Variants in FAM13C observed in about 807,000 individuals in gnomAD.
The protein encoded by FAM13C is family with sequence similarity 13 member C.
A neutral mutation model predicts 73.2 loss-of-function variants in FAM13C; 37 were observed. That is an observed-to-expected ratio of 0.51 (90% CI 0.39 to 0.67). The LOEUF (loss-of-function observed/expected upper bound fraction) is 0.67, where lower values mean the gene tolerates loss of function less well. FAM13C is among the 30% of genes least tolerant of loss of function. FAM13C has a pLI of 0.00. For synonymous variants in FAM13C, 246 were observed against 260.9 expected, an observed-to-expected ratio of 0.94 and a Z score of 0.55; for missense variants, 589 against 715.6, an observed-to-expected ratio of 0.82 and a Z score of 2.02.
rs1266398296 is a variant in FAM13C, at chr10:59,268,216, G to T, written c.942+337C>A. On this transcript the variant is annotated intron_variant, in intron 8 of 13. Transcript: ENST00000618804. The stretch of plus-strand genomic sequence containing the variant: ...CAATTGAGAAAAAGTGAAAAAAAAA[G>T]AAAAAAGAAAAAGAAGAAGAAGAAG... 3.6e-5 allele frequency among the ~76,000 whole-genome samples: 5 copies of T among 137,260 alleles called. No individual in the cohort carries two copies. In the East Asian group the frequency reaches 1.0e-3, roughly 28 times the overall value. The allele number at this position is 137,260 out of a possible 152,430, so 90.0% of individuals were successfully genotyped here.
intron 3 of FAM13C, among the ~76,000 whole-genome samples, chr10:59,327,931 C>A (rs1383612000): frequency 6.6e-6 from 1 of 152,126 alleles, no homozygotes; most frequent in Non-Finnish European, 1.5e-5. Flanking sequence ...CCAAACTGAC[C>A]AAGGGGACTG....
chr10:59,311,771 C>A lies in FAM13C; in HGVS notation c.444-8907G>T, dbSNP rs1848951957. 3.9e-5 allele frequency among the ~76,000 whole-genome samples: 6 copies of A among 152,242 alleles called. No homozygotes were observed. In the South Asian group the frequency reaches 1.2e-3, roughly 32 times the overall value. ...GTGTGAATAAATGCTGCAGCCCTTT[C>A]CTCAACTTTCAGAGGGATAAGTCTG... On this transcript the variant is annotated intron_variant, in intron 4 of 13. Transcript: ENST00000618804.
At chr10:59,345,261 A>G (rs956710304) in intron 3 of FAM13C, among the ~76,000 whole-genome samples, 1 of 152,190 alleles carries the variant, frequency 6.6e-6, no homozygotes, top group African/African-American at 2.4e-5. Flanking sequence ...TGTAACTTCC[A>G]TCACAGATGG....
intron 13 of FAM13C, among the ~76,000 whole-genome samples, chr10:59,249,454 G>A (rs1841147747): frequency 7.0e-6 from 1 of 142,236 alleles, no homozygotes; most frequent in African/African-American, 2.6e-5. Context: ...AGAATGAAAA[G>A]TTTTGCCAAG....
At chr10:59,339,788 T>C (rs1161178557) in intron 3 of FAM13C, among the ~76,000 whole-genome samples, 1 of 152,164 alleles carries the variant, frequency 6.6e-6, no homozygotes, top group African/African-American at 2.4e-5. Context: ...GCCAGCTCAG[T>C]GTGCATAGGG....
chr10:59,351,813 G>C (rs555369474), intron 3 of FAM13C, among the ~76,000 whole-genome samples: 12 of 151,958 alleles, frequency 7.9e-5, no homozygotes, highest in South Asian at 4.2e-4. Flanking sequence ...GGCCAACATG[G>C]CGAAACCCTG....
intron 13 of FAM13C, among the ~76,000 whole-genome samples, chr10:59,250,378 C>G (rs1012109587): frequency 6.6e-6 from 1 of 152,196 alleles, no homozygotes. Flanking sequence ...ACATTTCTCA[C>G]TAGATTACTT....
chr10:59,342,260 C>T (rs939096941), intron 3 of FAM13C, among the ~76,000 whole-genome samples: 1 of 152,068 alleles, frequency 6.6e-6, no homozygotes, highest in Admixed American at 6.5e-5. Flanking sequence ...ATGTTTCATG[C>T]TGTTTGAACA....
chr10:59,337,340 G>A (rs2134146934), intron 3 of FAM13C, among the ~76,000 whole-genome samples: 1 of 152,332 alleles, frequency 6.6e-6, no homozygotes, highest in East Asian at 1.9e-4. Context: ...GGAATGTTTA[G>A]GCATTAGTTG....
chr10:59,302,096 A>T (rs112999924), intron 5 of FAM13C, among the ~76,000 whole-genome samples: 1 of 152,188 alleles, frequency 6.6e-6, no homozygotes, highest in Admixed American at 6.5e-5. Context: ...CTATGACCTT[A>T]ATCAGACGTA....
chr10:59,311,023 T>C (rs1848854245), intron 4 of FAM13C, among the ~76,000 whole-genome samples: 1 of 151,810 alleles, frequency 6.6e-6, no homozygotes. Flanking sequence ...AGTATAGGAG[T>C]GACATGGTGT....
At chr10:59,313,573 G>C (rs139274533) in intron 4 of FAM13C, among the ~76,000 whole-genome samples, 3 of 152,126 alleles carry the variant, frequency 2.0e-5, no homozygotes, top group Admixed American at 6.5e-5. Flanking sequence ...GAGCAAGCGA[G>C]TCCAAATCAC....
chr10:59,260,455 CG>C (rs2133444249), intron 10 of FAM13C, among the ~76,000 whole-genome samples: 1 of 152,292 alleles, frequency 6.6e-6, no homozygotes, highest in South Asian at 2.1e-4. Context: ...CCTTTCATCA[CG>C]GCCTTCATAC....
intron 1 of FAM13C, chr10:59,361,223 T>A: frequency 6.7e-6 from 4 of 593,642 alleles, no homozygotes; most frequent in Non-Finnish European, 1.0e-5. Flanking sequence ...TTTTTTTTTT[T>A]AAGTGACTCC....
chr10:59,322,784 T>C (rs1242602786), intron 4 of FAM13C, among the ~76,000 whole-genome samples: 1 of 152,194 alleles, frequency 6.6e-6, no homozygotes, highest in African/African-American at 2.4e-5. Flanking sequence ...ACTGACTAAA[T>C]TGATTCCAGT....
intron 5 of FAM13C, among the ~76,000 whole-genome samples, chr10:59,294,517 C>T (rs1263455371): frequency 1.3e-5 from 2 of 152,186 alleles, no homozygotes; most frequent in Admixed American, 1.3e-4. Flanking sequence ...GCTGGCATGG[C>T]TTCCACTTTT....
intron 5 of FAM13C, among the ~76,000 whole-genome samples, chr10:59,302,565 G>A (rs1240709025): frequency 1.3e-5 from 2 of 152,128 alleles, no homozygotes; most frequent in African/African-American, 4.8e-5. Context: ...AATGACTGCT[G>A]GACTTGGGTT....
intron 5 of FAM13C, among the ~76,000 whole-genome samples, chr10:59,286,963 G>A (rs1845647355): frequency 6.7e-6 from 1 of 150,372 alleles, no homozygotes; most frequent in Middle Eastern, 3.5e-3. Flanking sequence ...GAACCCAGGA[G>A]GTGGAGGATG....
chr10:59,252,622 G>C (rs896551052), intron 12 of FAM13C, among the ~76,000 whole-genome samples, 177 bp downstream of exon 12: 3 of 152,110 alleles, frequency 2.0e-5, no homozygotes, highest in African/African-American at 7.2e-5. Context: ...TTACTACCAA[G>C]TGGATTTCTA....
Sources: allele counts gnomAD v4.1 joint callset (sites outside exome capture counted in the v4.1 genomes callset), GRCh38; gene constraint gnomAD v4.1.1; transcripts MANE v1.5; gene names NCBI Gene and HGNC (gene_info 2026-07-23, HGNC 2026-07-21).